CBLN2: variants seen among roughly 807,000 people sequenced by gnomAD.
CBLN2 encodes cerebellin-2.
CBLN2 carries 7 observed loss-of-function variants against 15.0 expected under a neutral mutation model. The ratio of observed to expected loss-of-function variants is 0.47; its 90% CI spans 0.27 to 0.88. CBLN2 has a LOEUF of 0.88. Ranked by LOEUF, CBLN2 falls within the 40% of genes least tolerant of loss-of-function variation. The probability of loss-of-function intolerance (pLI) is 0.14; values close to 1 mark genes in which losing one functional copy is unlikely to be tolerated. For synonymous variants in CBLN2, 149 were observed against 135.2 expected (o/e 1.10, Z -0.71); for missense variants, 242 against 304.5 (o/e 0.79, Z 1.53).
intron 1 of CBLN2, among the ~76,000 whole-genome samples, chr18:72,581,509 T>C (rs1306593694): frequency 2.0e-5 from 3 of 152,184 alleles, no homozygotes; most frequent in Admixed American, 2.0e-4. Flanking sequence ...ATACTGACCA[T>C]TTAAATCATT....
At chr18:72,637,467 G>A (rs917392894) in intron 1 of CBLN2, among the ~76,000 whole-genome samples, 6 of 152,174 alleles carry the variant, frequency 3.9e-5, no homozygotes, top group Non-Finnish European at 7.4e-5. Flanking sequence ...CCCAGCAGCT[G>A]GTGGTTTTTC....
chr18:72,577,137 C>T (rs1346730102), intron 1 of CBLN2, among the ~76,000 whole-genome samples: 2 of 149,030 alleles, frequency 1.3e-5, no homozygotes, highest in South Asian at 2.1e-4. Context: ...GAAATGTTTG[C>T]AATATAGGCT....
intron 1 of CBLN2, among the ~76,000 whole-genome samples, chr18:72,551,797 C>T (rs928599195): frequency 1.2e-4 from 18 of 152,150 alleles, no homozygotes; most frequent in African/African-American, 2.4e-4. Context: ...TTAATTAGCA[C>T]GGCTTAATAT....
intron 1 of CBLN2, among the ~76,000 whole-genome samples, chr18:72,555,757 C>A (rs1448797703): frequency 3.9e-5 from 6 of 151,984 alleles, no homozygotes; most frequent in Admixed American, 3.9e-4. Flanking sequence ...AAGTGATAAC[C>A]ATGTTATCTA....
At chr18:72,590,238 C>T (rs1170424843) in intron 1 of CBLN2, among the ~76,000 whole-genome samples, 3 of 149,716 alleles carry the variant, frequency 2.0e-5, no homozygotes, top group African/African-American at 4.9e-5. Flanking sequence ...GCACTCCAGC[C>T]TGGGTGACAG....
intron 1 of CBLN2, among the ~76,000 whole-genome samples, chr18:72,612,107 T>C (rs1191455225): frequency 6.6e-6 from 1 of 152,186 alleles, no homozygotes; most frequent in African/African-American, 2.4e-5. Flanking sequence ...TATGTGTCTG[T>C]TTTTGTACTA....
intron 1 of CBLN2, among the ~76,000 whole-genome samples, chr18:72,576,242 C>A (rs986754665): frequency 6.6e-6 from 1 of 152,060 alleles, no homozygotes; most frequent in African/African-American, 2.4e-5. Flanking sequence ...AGAATGTGAG[C>A]CTTCTGACAC....
intron 1 of CBLN2, chr18:72,618,570 A>C (rs1184136455): frequency 1.2e-6 from 1 of 809,004 alleles, no homozygotes; most frequent in African/African-American, 1.7e-5. Context: ...GTGTCCACTT[A>C]ACTGTGAAAA....
intron 1 of CBLN2, among the ~76,000 whole-genome samples, chr18:72,578,759 T>G (rs904255440): frequency 6.6e-6 from 1 of 152,196 alleles, no homozygotes; most frequent in Non-Finnish European, 1.5e-5. Context: ...CACTCCTTAG[T>G]GTGCTACCTG....
At chr18:72,610,148 A>G (rs2069612316) in intron 1 of CBLN2, among the ~76,000 whole-genome samples, 1 of 152,046 alleles carries the variant, frequency 6.6e-6, no homozygotes, top group Non-Finnish European at 1.5e-5. Context: ...TGTAGACTGT[A>G]TTTATGGCTT....
chr18:72,617,094 T>A (rs974563333), intron 1 of CBLN2, among the ~76,000 whole-genome samples: 2 of 152,178 alleles, frequency 1.3e-5, no homozygotes, highest in Non-Finnish European at 2.9e-5. Context: ...ACTTTCAATA[T>A]ACTTTAAAAA....
chr18:72,590,881 A>G (rs894934315), intron 1 of CBLN2, among the ~76,000 whole-genome samples: 2 of 152,228 alleles, frequency 1.3e-5, no homozygotes, highest in Non-Finnish European at 2.9e-5. Context: ...CATGCAAACA[A>G]TATTCTAATA....
intron 1 of CBLN2, among the ~76,000 whole-genome samples, chr18:72,605,693 A>C (rs746705302): frequency 2.6e-5 from 4 of 152,244 alleles, no homozygotes; most frequent in Non-Finnish European, 4.4e-5. Context: ...ACTTGTGGGT[A>C]GAACAAAAAC....
In CBLN2 at chr18:72,596,183, T is replaced by C. The variant is rs376602625; in HGVS notation, c.15+42142A>G. 9.2e-5 allele frequency among the ~76,000 whole-genome samples: 14 copies of C among 152,260 alleles called. No homozygotes were observed. In the East Asian group the frequency reaches 2.1e-3, roughly 23 times the overall value. On this transcript the variant is annotated intron_variant, in intron 1 of 2. Coordinates refer to the CBLN2 transcript ENST00000581073. The stretch of plus-strand genomic sequence containing the variant: ...TTTTGTATTTTTTGTGGATATGTTG[T>C]ATATTTTTTGATTTGCGGTTACATG...
At chr18:72,574,549 G>C (rs976603404) in intron 1 of CBLN2, among the ~76,000 whole-genome samples, 2 of 152,282 alleles carry the variant, frequency 1.3e-5, no homozygotes, top group Admixed American at 1.3e-4. Flanking sequence ...AGAGGTGATG[G>C]AATCCAGTGT....
chr18:72,630,654 A>G (rs75752564), intron 1 of CBLN2, among the ~76,000 whole-genome samples: 1 of 151,992 alleles, frequency 6.6e-6, no homozygotes, highest in African/African-American at 2.4e-5. Context: ...AAGGACACTT[A>G]GCCTGTTGAC....
In CBLN2 at chr18:72,538,293, A is replaced by G; in HGVS notation, c.558T>C (p.Asn186=). 6.2e-7 allele frequency: 1 copy of G among 1,614,136 alleles called. No individual in the cohort carries two copies. Among genetic ancestry groups the G allele is most frequent in the Non-Finnish European group, 8.5e-7 (1 of 1,180,022 alleles). ...CCCTTTCCATGAGCAGCAGCACGCC[A>G]TTGCTAGCAGCTTCTCTGGTGACAT... The part of the protein sequence containing the change: ...DQDVTREAAS[N]GVLLLMERED... Residue 186 remains asparagine (N), a synonymous_variant, in exon 5 of 5, where the codon AAT becomes AAC. Transcript: ENST00000269503.
chr18:72,631,194 C>T (rs1041876205), intron 1 of CBLN2: 2 of 152,008 alleles, frequency 1.3e-5, no homozygotes, highest in East Asian at 3.9e-4. Flanking sequence ...GCAACGGGAA[C>T]GTTCTAAAGC....
intron 1 of CBLN2, among the ~76,000 whole-genome samples, chr18:72,562,026 C>A (rs1297539748): frequency 6.6e-6 from 1 of 152,206 alleles, no homozygotes; most frequent in Non-Finnish European, 1.5e-5. Flanking sequence ...ATAAACAGAA[C>A]TAACTCACAG....
Sources: allele counts gnomAD v4.1 joint callset (sites outside exome capture counted in the v4.1 genomes callset), GRCh38; gene constraint gnomAD v4.1.1; transcripts MANE v1.5; gene names NCBI Gene and HGNC (gene_info 2026-07-23, HGNC 2026-07-21).